TOX: variants seen among roughly 807,000 people sequenced by gnomAD.
TOX encodes thymocyte selection associated high mobility group box, also known as thymocyte selection-associated high mobility group box protein TOX.
A neutral mutation model predicts 53.7 loss-of-function variants in TOX; 11 were observed. The ratio of observed to expected loss-of-function variants is 0.20; its 90% CI spans 0.13 to 0.34. The LOEUF (loss-of-function observed/expected upper bound fraction) is 0.34. Ranked by LOEUF, TOX falls within the 10% of genes least tolerant of loss-of-function variation. The pLI is 1.00. For synonymous variants in TOX, 225 were observed against 245.3 expected, an observed-to-expected ratio of 0.92 and a Z score of 0.77; for missense variants, 570 against 664.6, an observed-to-expected ratio of 0.86 and a Z score of 1.56.
intron 1 of TOX, among the ~76,000 whole-genome samples, chr8:59,038,268 AC>A (rs1803509824): frequency 6.6e-6 from 1 of 152,228 alleles, no homozygotes; most frequent in African/African-American, 2.4e-5. Context: ...ATTTATGGCT[AC>A]CCGAACACAA....
chr8:58,959,888 T>A, intron 2 of TOX, 55 bp downstream of exon 2: 1 of 1,579,440 alleles, frequency 6.3e-7, no homozygotes, highest in Non-Finnish European at 8.7e-7. Flanking sequence ...AATGCAACTC[T>A]TTGAATTTGT....
intron 1 of TOX, among the ~76,000 whole-genome samples, chr8:59,098,455 T>C (rs2129424235): frequency 6.6e-6 from 1 of 152,098 alleles, no homozygotes; most frequent in Middle Eastern, 3.4e-3. Context: ...CAAAACCTTC[T>C]GGAAGTCAGG....
At chr8:59,000,161 A>C (rs1813662704) in intron 1 of TOX, among the ~76,000 whole-genome samples, 1 of 152,152 alleles carries the variant, frequency 6.6e-6, no homozygotes, top group African/African-American at 2.4e-5. Context: ...AAAGAGGAGG[A>C]AATCCTTTGG....
chr8:58,827,196 T>C (rs1176579653), intron 5 of TOX, among the ~76,000 whole-genome samples: 1 of 152,154 alleles, frequency 6.6e-6, no homozygotes, highest in African/African-American at 2.4e-5. Flanking sequence ...CTTACAAAGA[T>C]ACTATTGATG....
intron 3 of TOX, among the ~76,000 whole-genome samples, chr8:58,865,893 G>A (rs1811093480): frequency 7.9e-6 from 1 of 126,934 alleles, no homozygotes; most frequent in Admixed American, 9.7e-5. Context: ...GGAGTGCAGT[G>A]GCACGATCTT....
At chr8:58,882,632 T>C (rs1482192339) in intron 3 of TOX, among the ~76,000 whole-genome samples, 1 of 152,202 alleles carries the variant, frequency 6.6e-6, no homozygotes, top group African/African-American at 2.4e-5. Context: ...AATGTCACTA[T>C]AATTTTGAAA....
chr8:58,808,022 G>A (rs1426232308), intron 8 of TOX, 96 bp downstream of exon 8: 21 of 1,486,186 alleles, frequency 1.4e-5, no homozygotes, highest in Non-Finnish European at 1.9e-5. Flanking sequence ...AAACTATCCC[G>A]GATCATGTTT....
intron 3 of TOX, among the ~76,000 whole-genome samples, chr8:58,906,443 G>C (rs182919775): frequency 1.4e-4 from 21 of 152,190 alleles, no homozygotes. Context: ...GGAGTTCTAC[G>C]TCACATTATA....
At chr8:59,105,577 C>A (rs541100933) in intron 1 of TOX, among the ~76,000 whole-genome samples, 4 of 152,172 alleles carry the variant, frequency 2.6e-5, no homozygotes, top group African/African-American at 9.6e-5. Flanking sequence ...CGTCAGCCTG[C>A]AATTTGTTAT....
At chr8:59,017,207 T>G (rs1443359189) in intron 1 of TOX, among the ~76,000 whole-genome samples, 2 of 152,268 alleles carry the variant, frequency 1.3e-5, no homozygotes, top group Non-Finnish European at 2.9e-5. Context: ...AATAAACATA[T>G]GCTACTTATC....
At chr8:58,972,241 C>G (rs1350939520) in intron 1 of TOX, among the ~76,000 whole-genome samples, 1 of 152,064 alleles carries the variant, frequency 6.6e-6, no homozygotes, top group African/African-American at 2.4e-5. Context: ...TTTTATTTGG[C>G]TAACGTTAAA....
chr8:59,083,067 C>A (rs1409040882), intron 1 of TOX, among the ~76,000 whole-genome samples: 1 of 152,100 alleles, frequency 6.6e-6, no homozygotes, highest in Non-Finnish European at 1.5e-5. Context: ...ACTCCAAATA[C>A]AGGCTCTCCT....
chr8:58,870,891 C>T (rs1334094430), intron 3 of TOX, among the ~76,000 whole-genome samples: 2 of 151,988 alleles, frequency 1.3e-5, no homozygotes, highest in Non-Finnish European at 2.9e-5. Context: ...ATCTTTTATT[C>T]AATATTAAAT....
intron 5 of TOX, among the ~76,000 whole-genome samples, chr8:58,833,543 C>G (rs1326558115): frequency 6.6e-6 from 1 of 152,216 alleles, no homozygotes; most frequent in Non-Finnish European, 1.5e-5. Flanking sequence ...GTTGCTCAAA[C>G]TCCTAGGATC....
chr8:58,905,214 AGCCACCGT>A (rs1811793144), intron 3 of TOX, among the ~76,000 whole-genome samples: 1 of 152,220 alleles, frequency 6.6e-6, no homozygotes, highest in South Asian at 2.1e-4. Context: ...TACAGGTGTG[AGCCACCGT>A]GCCTGGCCCA....
intron 6 of TOX, among the ~76,000 whole-genome samples, chr8:58,817,454 T>C (rs1810199750): frequency 6.6e-6 from 1 of 152,086 alleles, no homozygotes; most frequent in Non-Finnish European, 1.5e-5. Flanking sequence ...TTATTGTTGA[T>C]GTGCAAAATA....
chr8:59,034,341 C>G (rs1437375893), intron 1 of TOX, among the ~76,000 whole-genome samples: 1 of 152,242 alleles, frequency 6.6e-6, no homozygotes, highest in African/African-American at 2.4e-5. Context: ...AATGCCAGCG[C>G]TGACGCAAGA....
At chr8:59,037,801 C>CA (rs769397049) in intron 1 of TOX, among the ~76,000 whole-genome samples, 9,014 of 97,644 alleles carry the variant, frequency 0.092, 1,071 homozygotes, top group East Asian at 0.57. Context: ...GACTCCATCT[C>CA]AAAAAAAAAA....
At chr8:58,968,277 C>T (rs116500350) in intron 1 of TOX, among the ~76,000 whole-genome samples, 2,910 of 152,256 alleles carry the variant, frequency 0.019, 109 homozygotes, top group African/African-American at 0.067. Context: ...ACAAAAAGGC[C>T]TCCACAGGGT....
Sources: gnomAD v4.1 joint callset for allele counts (sites outside exome capture counted in the v4.1 genomes callset) on GRCh38, gnomAD v4.1.1 for gene constraint, MANE v1.5 for transcripts, NCBI Gene and HGNC (gene_info 2026-07-23, HGNC 2026-07-21) for gene names.